ORC4: variants seen among roughly 807,000 people sequenced by gnomAD.
ORC4 encodes origin recognition complex, subunit 4 homolog.
A neutral mutation model predicts 63.9 loss-of-function variants in ORC4; 55 were observed. That is an observed-to-expected ratio of 0.86 (90% CI 0.69 to 1.08). ORC4 has a LOEUF of 1.08. ORC4 is among the 50% of genes least tolerant of loss of function. The pLI, the probability that ORC4 is intolerant of heterozygous loss-of-function variation, is 0.00. For synonymous variants in ORC4, 150 were observed against 168.5 expected, an observed-to-expected ratio of 0.89 and a Z score of 0.85; for missense variants, 511 against 504.4, an observed-to-expected ratio of 1.01 and a Z score of -0.13.
At chr2:147,992,198 C>T (rs927609731) in intron 1 of ORC4, among the ~76,000 whole-genome samples, 2 of 152,154 alleles carry the variant, frequency 1.3e-5, no homozygotes, top group Non-Finnish European at 2.9e-5. Context: ...TGAATCCAAG[C>T]TAATGTGTTT....
At chr2:148,010,388 T>A (rs1692889543) in intron 1 of ORC4, among the ~76,000 whole-genome samples, 1 of 148,354 alleles carries the variant, frequency 6.7e-6, no homozygotes, top group East Asian at 2.0e-4. Context: ...GACAAAAAAA[T>A]AGAAAAGATC....
intron 1 of ORC4, among the ~76,000 whole-genome samples, chr2:147,992,085 C>T (rs796403163): frequency 6.6e-6 from 1 of 152,148 alleles, no homozygotes; most frequent in African/African-American, 2.4e-5. Context: ...ATTATATGAT[C>T]TTACTGGCAC....
In ORC4 at chr2:147,932,486, A is replaced by G. The variant is rs2059422; in HGVS notation, c.*3024T>C. 52,107 of 151,972 alleles carry G rather than the reference A, an allele frequency of 0.34. 9,175 individuals carry two copies. The highest frequency in any genetic ancestry group is 0.52 in the East Asian group (2,691 of 5,160). The allele number at this position is 151,972 out of a possible 1,614,324, so 9.4% of individuals were successfully genotyped here. A position where few individuals can be genotyped will look rare whatever the true frequency, so the allele number is the denominator to read the frequency against. Reference sequence around the variant, plus strand: ...TTCATATGGAACCAAAAAAGAGCCCACATCGCCAAGGCAATCCTAAGCTAT... The same window carrying G: ...TTCATATGGAACCAAAAAAGAGCCCGCATCGCCAAGGCAATCCTAAGCTAT... On this transcript the variant is annotated 3_prime_UTR_variant, in exon 14 of 14. Coordinates refer to ENST00000392857, the MANE Select transcript of ORC4 (RefSeq NM_181741.4).
intron 7 of ORC4, among the ~76,000 whole-genome samples, chr2:147,952,964 T>TGTGGTGAGCCAAGATC (rs1482181298): frequency 1.3e-5 from 2 of 151,150 alleles, no homozygotes; most frequent in Non-Finnish European, 2.9e-5. Context: ...AGGCAGAGGT[T>TGTGGTGAGCCAAGATC]GTGGTGAGCC....
chr2:147,973,305 T>C lies in ORC4; in HGVS notation c.134+143A>G, dbSNP rs553385650. The C allele has an allele frequency of 4.5e-6, 3 of 672,334 alleles. No homozygotes were observed. In the Admixed American group the frequency reaches 7.1e-5, roughly 16 times the overall value. The allele number at this position is 672,334 out of a possible 1,614,324, so 41.6% of individuals were successfully genotyped here. Reference sequence around the variant, plus strand: ...GCTCCTGCTTCATGCTATGTGGTGTTTCTATTCACAAAGCAAAATTTTTTA... The same window carrying C: ...GCTCCTGCTTCATGCTATGTGGTGTCTCTATTCACAAAGCAAAATTTTTTA... On this transcript the variant is annotated intron_variant, in intron 3 of 13. Transcript: ENST00000392857.
At chr2:148,018,393 A>G (rs1248501767) in intron 1 of ORC4, among the ~76,000 whole-genome samples, 1 of 152,336 alleles carries the variant, frequency 6.6e-6, no homozygotes, top group Non-Finnish European at 1.5e-5. Flanking sequence ...AAAAGGCATA[A>G]CTAGTGAAGT....
intron 1 of ORC4, among the ~76,000 whole-genome samples, chr2:147,983,310 C>A (rs1388573551): frequency 6.6e-6 from 1 of 152,166 alleles, no homozygotes; most frequent in East Asian, 1.9e-4. Flanking sequence ...ACACTGGAAC[C>A]GATTCACTCA....
chr2:147,966,510 G>C (rs948247154), intron 4 of ORC4, among the ~76,000 whole-genome samples: 1 of 151,752 alleles, frequency 6.6e-6, no homozygotes, highest in African/African-American at 2.4e-5. Context: ...AATGAGAAAA[G>C]AAAAAGGAGA....
intron 1 of ORC4, among the ~76,000 whole-genome samples, chr2:148,009,273 C>A (rs1692811504): frequency 6.6e-6 from 1 of 151,476 alleles, no homozygotes; most frequent in African/African-American, 2.4e-5. Flanking sequence ...ATAACCAGAA[C>A]AACAATAAAA....
chr2:148,004,514 G>C (rs568423149), intron 1 of ORC4, among the ~76,000 whole-genome samples: 83 of 152,270 alleles, frequency 5.5e-4, no homozygotes, highest in African/African-American at 1.9e-3. Context: ...AAGCAATTGG[G>C]AAAGGATTCC....
chr2:147,952,644 C>CCCAAA, intron 7 of ORC4, 120 bp from the exon 8 acceptor site: 1 of 774,006 alleles, frequency 1.3e-6, no homozygotes, highest in Non-Finnish European at 2.2e-6. Flanking sequence ...TGATAGCCTA[C>CCCAAA]TTTGGGTAGG....
chr2:148,015,550 G>A (rs942432629), intron 1 of ORC4, among the ~76,000 whole-genome samples: 18 of 151,836 alleles, frequency 1.2e-4, no homozygotes, highest in African/African-American at 4.1e-4. Context: ...TCCTGACCTC[G>A]TGATCCGCCC....
Position 147,941,982 on chromosome 2 carries a change from T to C in ORC4, c.849+1454A>G, listed in dbSNP as rs1170268349. ...AACATGGGTGAACCATACAGCCAAG[T>C]AGGACACAAACTTGAAGCCAGAGAG... On this transcript the variant is annotated intron_variant, in intron 10 of 13. Transcript: ENST00000392857. Among the ~76,000 whole-genome samples the C allele has an allele frequency of 4.6e-5, 7 of 152,114 alleles. No individual in the cohort carries two copies. The East Asian group carries it at 9.6e-4, about 21-fold the overall frequency.
rs774224763 is a variant in ORC4 at position 147,938,358 on chromosome 2, T to C, written c.994A>G (p.Met332Val). Residue 332 changes from methionine to valine, a missense_variant, in exon 12 of 14, where the codon ATG becomes GTG. Met to Val is a conservative substitution (Grantham distance 21). Coordinates refer to ENST00000392857, the MANE Select transcript of ORC4 (RefSeq NM_181741.4). ...TCATAGATGTCATTTAAATGTTTCATTGCTATTATAAGACAGATTTCCAAG... is the reference window on the plus strand; with the variant it reads ...TCATAGATGTCATTTAAATGTTTCACTGCTATTATAAGACAGATTTCCAAG... Reference protein sequence around the residue: ...SVLEICLIIAMKHLNDIYEEE... With the variant: ...SVLEICLIIAVKHLNDIYEEE... 3.1e-6 allele frequency: 5 copies of C among 1,606,964 alleles called. No individual in the cohort carries two copies. The highest frequency in any genetic ancestry group is 2.7e-5 in the African/African-American group (2 of 74,728).
chr2:147,949,380 A>C (rs1251966207), intron 8 of ORC4, among the ~76,000 whole-genome samples: 1 of 152,162 alleles, frequency 6.6e-6, no homozygotes, highest in Admixed American at 6.5e-5. Flanking sequence ...AAATTACTAA[A>C]CAGTCAGAAA....
chr2:147,971,712 T>A (rs184079140), intron 4 of ORC4, among the ~76,000 whole-genome samples: 98 of 151,850 alleles, frequency 6.5e-4, no homozygotes, highest in African/African-American at 2.3e-3. Flanking sequence ...AATAAAAAAC[T>A]CAAGAATGAA....
chr2:148,008,431 G>T (rs1316909792), intron 1 of ORC4, among the ~76,000 whole-genome samples: 1 of 152,136 alleles, frequency 6.6e-6, no homozygotes, highest in Non-Finnish European at 1.5e-5. Context: ...GAAATACAAG[G>T]GGAGGGATTG....
chr2:147,983,695 G>C (rs1219850658), intron 1 of ORC4, among the ~76,000 whole-genome samples: 1 of 152,190 alleles, frequency 6.6e-6, no homozygotes, highest in South Asian at 2.1e-4. Flanking sequence ...AAGCCAACAA[G>C]ACTGAAACAA....
intron 1 of ORC4, among the ~76,000 whole-genome samples, chr2:148,001,551 G>A (rs1270051972): frequency 1.3e-5 from 2 of 152,116 alleles, no homozygotes; most frequent in East Asian, 1.9e-4. Flanking sequence ...TTATAGACAA[G>A]CAAATGCTGA....
Sources: gnomAD v4.1 joint callset for allele counts (sites outside exome capture counted in the v4.1 genomes callset) on GRCh38, gnomAD v4.1.1 for gene constraint, MANE v1.5 for transcripts, NCBI Gene and HGNC (gene_info 2026-07-23, HGNC 2026-07-21) for gene names.